Variants in SASH1 observed in about 807,000 individuals in gnomAD.
The protein encoded by SASH1 is SAM and SH3 domain containing 1.
In SASH1, 44 loss-of-function variants were observed where a neutral mutation model predicts 125.2. The ratio of observed to expected loss-of-function variants is 0.35; its 90% CI spans 0.28 to 0.45. SASH1 has a LOEUF of 0.45. SASH1 is among the 20% of genes least tolerant of loss of function. The pLI is 1.00. For missense variants in SASH1, 1,426 were observed against 1,614.5 expected (o/e 0.88, Z 2.00); for synonymous variants, 639 against 649.1 (o/e 0.98, Z 0.24).
chr6:148,433,105 G>A (rs1253602550), intron 2 of SASH1, among the ~76,000 whole-genome samples: 3 of 152,086 alleles, frequency 2.0e-5, no homozygotes, highest in Non-Finnish European at 2.9e-5. Flanking sequence ...TTTAGCTTCT[G>A]TATTAGATAC....
At chr6:148,330,215 C>G (rs1780950958) in intron 1 of SASH1, among the ~76,000 whole-genome samples, 2 of 152,168 alleles carry the variant, frequency 1.3e-5, no homozygotes, top group South Asian at 4.2e-4. Context: ...TGTTGTTCAC[C>G]CAAAGTATTG....
chr6:148,351,310 A>G (rs1293973829), intron 1 of SASH1, among the ~76,000 whole-genome samples: 2 of 151,512 alleles, frequency 1.3e-5, no homozygotes, highest in African/African-American at 4.8e-5. Context: ...GAAAACGGAA[A>G]TATATTTGTA....
chr6:148,299,376 A>G (rs1202577445), intron 1 of SASH1, among the ~76,000 whole-genome samples: 1 of 150,866 alleles, frequency 6.6e-6, no homozygotes, highest in African/African-American at 2.5e-5. Flanking sequence ...GATATCATTA[A>G]AAGACTGTCG....
chr6:148,327,562 C>T (rs968362133), intron 1 of SASH1, among the ~76,000 whole-genome samples: 6 of 150,786 alleles, frequency 4.0e-5, no homozygotes, highest in African/African-American at 1.5e-4. Context: ...GGATTACAGG[C>T]GTGAGCCACT....
At chr6:148,443,441 A>G (rs1054469479) in intron 4 of SASH1, among the ~76,000 whole-genome samples, 1 of 147,504 alleles carries the variant, frequency 6.8e-6, no homozygotes, top group Non-Finnish European at 1.5e-5. Context: ...GTGAATATAT[A>G]TATAATATAT....
chr6:148,308,553 G>A lies in SASH1; in HGVS notation n.74+36176G>A, dbSNP rs975130357. Among the ~76,000 whole-genome samples the A allele has an allele frequency of 2.1e-3, 316 of 151,396 alleles. 3 individuals are homozygous for A. The highest frequency in any genetic ancestry group is 7.0e-3 in the African/African-American group (289 of 41,340). On this transcript the variant is annotated intron_variant and non_coding_transcript_variant, in intron 1 of 3. Coordinates refer to the SASH1 transcript ENST00000367469. Reference sequence around the variant, plus strand: ...TGGGATTACAGGCATGCGCCACCATGCCTGGCTAATTTTTGTATTTTTAGT... The same window carrying A: ...TGGGATTACAGGCATGCGCCACCATACCTGGCTAATTTTTGTATTTTTAGT...
chr6:148,494,953 GTAAACCA>G (rs1215620596), intron 8 of SASH1, among the ~76,000 whole-genome samples: 1 of 152,146 alleles, frequency 6.6e-6, no homozygotes, highest in Non-Finnish European at 1.5e-5. Context: ...TTCTAAAATT[GTAAACCA>G]TAAACATGTG....
chr6:148,242,910 T>C, the SASH1 span, among the ~76,000 whole-genome samples: 2 of 152,206 alleles, frequency 1.3e-5, no homozygotes, highest in African/African-American at 2.4e-5. Flanking sequence ...CTCCAGTTTA[T>C]TGGCACTCAA....
intron 7 of SASH1, among the ~76,000 whole-genome samples, chr6:148,476,355 CA>C (rs1247444477): frequency 6.6e-6 from 1 of 151,418 alleles, no homozygotes. Flanking sequence ...CTATGCTACC[CA>C]AAGCAATCTA....
chr6:148,496,741 C>G (rs1465868319), intron 8 of SASH1, among the ~76,000 whole-genome samples: 1 of 152,074 alleles, frequency 6.6e-6, no homozygotes, highest in Non-Finnish European at 1.5e-5. Context: ...GGCATGGTGG[C>G]ACACGCCTGT....
chr6:148,323,349 A>G (rs1254439832), intron 1 of SASH1, among the ~76,000 whole-genome samples: 1 of 152,152 alleles, frequency 6.6e-6, no homozygotes. Flanking sequence ...AACATACCTG[A>G]GTCCCATCTC....
chr6:148,527,810 A>G (rs1040787046), intron 12 of SASH1, among the ~76,000 whole-genome samples: 2 of 152,252 alleles, frequency 1.3e-5, no homozygotes, highest in Admixed American at 6.5e-5. Context: ...TGCTGGGAAT[A>G]CAAAATACAG....
At chr6:148,492,047 G>T (rs1779131392) in intron 8 of SASH1, among the ~76,000 whole-genome samples, 1 of 152,188 alleles carries the variant, frequency 6.6e-6, no homozygotes, top group African/African-American at 2.4e-5. Context: ...CAAAGACCCA[G>T]TTGTCCATAC....
At chr6:148,303,602 G>T (rs145810368) in intron 1 of SASH1, among the ~76,000 whole-genome samples, 2,716 of 151,654 alleles carry the variant, frequency 0.018, 75 homozygotes, top group African/African-American at 0.062. Context: ...TTCGAGACCA[G>T]CCTGGCTAAC....
At chr6:148,258,424 C>A in the SASH1 span, among the ~76,000 whole-genome samples, 34 of 152,190 alleles carry the variant, frequency 2.2e-4, no homozygotes, top group Admixed American at 1.8e-3. Flanking sequence ...TTACAATAAA[C>A]CCCTAAATAG....
the SASH1 span, among the ~76,000 whole-genome samples, chr6:148,229,133 C>CAAAAAAAAAAA: frequency 4.9e-5 from 3 of 60,968 alleles, no homozygotes; most frequent in Admixed American, 2.1e-4. Context: ...GACTCCATCT[C>CAAAAAAAAAAA]AAAAAAAAAA....
the SASH1 span, among the ~76,000 whole-genome samples, chr6:148,236,943 T>C: frequency 6.6e-6 from 1 of 152,184 alleles, no homozygotes; most frequent in Non-Finnish European, 1.5e-5. Context: ...AGTTCCATTC[T>C]CTCTCTCCAA....
rs1780215817 is a variant in SASH1, at chr6:148,308,844, G to C, written n.74+36467G>C. ...CATGCCTGTAATCCCAGCACTTTGG[G>C]AGGCCGAGGTGGGTGAATCACCTGA... On this transcript the variant is annotated intron_variant and non_coding_transcript_variant, in intron 1 of 3. Coordinates refer to the SASH1 transcript ENST00000367469. Among the ~76,000 whole-genome samples the C allele has an allele frequency of 2.0e-5, 3 of 151,088 alleles. No homozygotes were observed. In the East Asian group the frequency reaches 5.9e-4, roughly 30 times the overall value.
At chr6:148,281,494 A>G (rs908274277) in intron 1 of SASH1, among the ~76,000 whole-genome samples, 13 of 152,214 alleles carry the variant, frequency 8.5e-5, no homozygotes, top group African/African-American at 3.1e-4. Context: ...GGGCTCCAGG[A>G]GGCATGTCTC....
Sources: allele counts gnomAD v4.1 joint callset (sites outside exome capture counted in the v4.1 genomes callset), GRCh38; gene constraint gnomAD v4.1.1; transcripts MANE v1.5; gene names NCBI Gene and HGNC (gene_info 2026-07-23, HGNC 2026-07-21).